Variants in RGS6 observed in about 807,000 individuals in gnomAD.
RGS6 encodes the protein regulator of G protein signaling 6.
RGS6 carries 30 observed loss-of-function variants against 78.5 expected under a neutral mutation model. That is an observed-to-expected ratio of 0.38 (90% confidence interval 0.29 to 0.52). The LOEUF (loss-of-function observed/expected upper bound fraction) is 0.52. RGS6 is among the 20% of genes least tolerant of loss of function. The pLI, the probability that RGS6 is intolerant of heterozygous loss-of-function variation, is 0.85. For missense variants in RGS6, 495 were observed against 609.7 expected, an observed-to-expected ratio of 0.81 and a Z score of 1.98; for synonymous variants, 206 against 206.0, an observed-to-expected ratio of 1.00 and a Z score of 0.00.
chr14:71,975,736 C>T (rs2094084005), intron 2 of RGS6, among the ~76,000 whole-genome samples: 1 of 152,210 alleles, frequency 6.6e-6, no homozygotes, highest in Admixed American at 6.5e-5. Flanking sequence ...GGATTATAGG[C>T]ATGAGCCACC....
intron 2 of RGS6, among the ~76,000 whole-genome samples, chr14:72,109,747 G>C (rs2095711890): frequency 6.6e-6 from 1 of 152,176 alleles, no homozygotes; most frequent in East Asian, 1.9e-4. Context: ...ACAATGGACA[G>C]ATACTGTACA....
chr14:71,945,395 A>G (rs1271439425), intron 1 of RGS6, among the ~76,000 whole-genome samples: 2 of 152,228 alleles, frequency 1.3e-5, no homozygotes, highest in African/African-American at 2.4e-5. Context: ...ATGAAGGAAG[A>G]AAATGCATTT....
chr14:72,308,491 A>T (rs1595614139), intron 2 of RGS6, among the ~76,000 whole-genome samples: 3 of 152,192 alleles, frequency 2.0e-5, no homozygotes, highest in East Asian at 3.8e-4. Flanking sequence ...GTCCACTAAA[A>T]ATCGGTATGC....
At chr14:72,049,356 A>G (rs2093075773) in intron 2 of RGS6, among the ~76,000 whole-genome samples, 1 of 152,212 alleles carries the variant, frequency 6.6e-6, no homozygotes, top group South Asian at 2.1e-4. Flanking sequence ...CCCTGGCTTT[A>G]CTTGTCCTTA....
At chr14:71,883,113 G>A in the RGS6 span, among the ~76,000 whole-genome samples, 1 of 152,182 alleles carries the variant, frequency 6.6e-6, no homozygotes, top group Non-Finnish European at 1.5e-5. Flanking sequence ...GGAATTTCAG[G>A]TTTTTTAAAT....
rs550304987 is a variant in RGS6, at chr14:72,514,385, G to A, written c.1092-3966G>A. ...GAGGGCCTGCCCAGACCTCCTGGTA[G>A]GATGGAGAATGATCAAGGGCCAAAT... is the stretch of plus-strand genomic sequence containing the variant. On this transcript the variant is annotated intron_variant, in intron 14 of 17. Transcript: ENST00000553525. Among the ~76,000 whole-genome samples the A allele has an allele frequency of 3.9e-5, 6 of 152,354 alleles. No homozygotes were observed. The South Asian group carries it at 1.2e-3, about 32-fold the overall frequency.
chr14:71,983,190 C>CA (rs949957884), intron 2 of RGS6, among the ~76,000 whole-genome samples: 18 of 152,232 alleles, frequency 1.2e-4, no homozygotes, highest in African/African-American at 3.9e-4. Context: ...ACTGGAGCCT[C>CA]AAGTCACCAC....
chr14:72,619,227 C>A, the RGS6 span: 1 of 1,446,540 alleles, frequency 6.9e-7, no homozygotes. Context: ...GGGAGGAGGG[C>A]GCGTTCTGGT....
chr14:72,629,799 C>T, the RGS6 span: 32 of 1,303,806 alleles, frequency 2.5e-5, no homozygotes, highest in Non-Finnish European at 2.9e-5. Context: ...CTCAACACCA[C>T]TCACTGGAAA....
intron 2 of RGS6, among the ~76,000 whole-genome samples, chr14:72,095,684 G>A (rs2095388613): frequency 6.6e-6 from 1 of 152,174 alleles, no homozygotes; most frequent in Non-Finnish European, 1.5e-5. Flanking sequence ...ATGTGGATGG[G>A]GCAAGTAACT....
At chr14:72,061,537 T>G (rs545143413) in intron 2 of RGS6, among the ~76,000 whole-genome samples, 6 of 152,304 alleles carry the variant, frequency 3.9e-5, no homozygotes, top group African/African-American at 1.4e-4. Context: ...ATTTTGAGTA[T>G]ATTCCTGAGA....
chr14:72,380,167 A>G (rs1566675019), intron 3 of RGS6, among the ~76,000 whole-genome samples: 1 of 152,100 alleles, frequency 6.6e-6, no homozygotes, highest in Non-Finnish European at 1.5e-5. Context: ...ACTAAAGCCA[A>G]CTCAAAATGG....
intron 2 of RGS6, among the ~76,000 whole-genome samples, chr14:72,074,656 T>G (rs754119862): frequency 3.2e-4 from 48 of 152,088 alleles, no homozygotes; most frequent in Admixed American, 8.5e-4. Context: ...TTTCCGAGCA[T>G]CTACATGCTC....
the RGS6 span, among the ~76,000 whole-genome samples, chr14:71,888,992 G>A: frequency 6.6e-6 from 1 of 152,176 alleles, no homozygotes; most frequent in Admixed American, 6.5e-5. Context: ...CACAAGCTGA[G>A]GATTGGGCAT....
chr14:71,964,993 T>G (rs1260321203), intron 2 of RGS6, 118 bp downstream of exon 2: 1 of 609,568 alleles, frequency 1.6e-6, no homozygotes, highest in Non-Finnish European at 2.6e-6. Flanking sequence ...AATGCATATT[T>G]TCTTCTCACA....
At chr14:71,917,264 G>T in the RGS6 span, among the ~76,000 whole-genome samples, 8 of 152,172 alleles carry the variant, frequency 5.3e-5, no homozygotes, top group Admixed American at 5.2e-4. Flanking sequence ...ACGGTATATG[G>T]GTCACCATAT....
At chr14:72,235,196 G>A (rs2050702575) in intron 2 of RGS6, among the ~76,000 whole-genome samples, 1 of 152,192 alleles carries the variant, frequency 6.6e-6, no homozygotes, top group Non-Finnish European at 1.5e-5. Context: ...TGCGTGGATT[G>A]AAGAAGGATG....
intron 3 of RGS6, among the ~76,000 whole-genome samples, chr14:72,451,155 G>C (rs61995150): frequency 6.6e-6 from 1 of 152,156 alleles, no homozygotes; most frequent in Non-Finnish European, 1.5e-5. Context: ...TGCCACTGCA[G>C]ATTGAGTGCA....
chr14:72,177,036 T>C (rs558745406), intron 2 of RGS6, among the ~76,000 whole-genome samples: 1 of 152,256 alleles, frequency 6.6e-6, no homozygotes, highest in Non-Finnish European at 1.5e-5. Flanking sequence ...ATAACGTTTA[T>C]GAAATTTATC....
Sources: allele counts gnomAD v4.1 joint callset (sites outside exome capture counted in the v4.1 genomes callset), GRCh38; gene constraint gnomAD v4.1.1; transcripts MANE v1.5; gene names NCBI Gene and HGNC (gene_info 2026-07-23, HGNC 2026-07-21).